Variants in NSL1 observed in about 807,000 individuals in gnomAD.
NSL1 encodes the protein kinetochore-associated protein NSL1 homolog.
A neutral mutation model predicts 25.4 loss-of-function variants in NSL1; 11 were observed. The ratio of observed to expected loss-of-function variants is 0.43; its 90% confidence interval spans 0.27 to 0.72. NSL1 has a LOEUF of 0.72. Ranked by LOEUF, NSL1 falls within the 30% of genes least tolerant of loss-of-function variation. The pLI is 0.19. For missense variants in NSL1, 330 were observed against 342.7 expected (o/e 0.96, Z 0.29); for synonymous variants, 118 against 120.6 (o/e 0.98, Z 0.14).
rs771353486 is a variant in NSL1 at position 212,787,581 on chromosome 1, T to C, written c.291A>G (p.Glu97=). Residue 97 remains glutamate, a synonymous_variant, in exon 2 of 6, where the codon GAA becomes GAG. Transcript: ENST00000366977. The part of the protein sequence containing the change: ...NISINGQAWQ[E]ASDNCFMDSD... The stretch of plus-strand genomic sequence containing the variant: ...TACCCATAAAACAATTATCTGAAGC[T>C]TCCTGCCATGCTTGCCCATTAATGC... 6.2e-7 allele frequency: 1 copy of C among 1,606,188 alleles called. No homozygotes were observed. The highest frequency in any genetic ancestry group is 2.3e-5 in the East Asian group (1 of 44,414).
intron 1 of NSL1, among the ~76,000 whole-genome samples, chr1:212,790,582 A>G (rs1411715257): frequency 6.6e-6 from 1 of 152,110 alleles, no homozygotes; most frequent in Non-Finnish European, 1.5e-5. Context: ...AGCTCATAAT[A>G]CCGCACATTT....
Position 212,731,783 on chromosome 1 carries a change from G to C in NSL1, c.*6625C>G. 1.0e-6 allele frequency: 1 copy of C among 985,422 alleles called. No individual in the cohort carries two copies. Among genetic ancestry groups the C allele is most frequent in the South Asian group, 4.7e-5 (1 of 21,290 alleles). The allele number at this position is 985,422 out of a possible 1,614,324, so 61.0% of individuals were successfully genotyped here. The stretch of plus-strand genomic sequence containing the variant: ...ACTGCCATGTCAAAGCTGGTGTTCA[G>C]ACAGTCACACTGTTACAAACATATG... On this transcript the variant is annotated 3_prime_UTR_variant, in exon 6 of 6. Transcript: ENST00000366977.
chr1:212,779,529 A>C (rs371171734), intron 4 of NSL1, among the ~76,000 whole-genome samples: 1 of 71,812 alleles, frequency 1.4e-5, no homozygotes, highest in East Asian at 5.3e-4. Flanking sequence ...CCCCCCGCCC[A>C]GCCAGCCGCC....
At position 212,729,130 on chromosome 1, in the gene NSL1, C is replaced by G. The variant is rs1387689640; in HGVS notation, c.*9278G>C. ...TTACAGGAATATATTAGTGTTCCAT[C>G]GTAGTTTCTAAAACCAGACAAAATC... On this transcript the variant is annotated 3_prime_UTR_variant, in exon 6 of 6. Coordinates refer to ENST00000366977, the MANE Select transcript of NSL1 (RefSeq NM_015471.4). The G allele has an allele frequency of 2.0e-6, 2 of 985,274 alleles. No individual in the cohort carries two copies. The highest frequency in any genetic ancestry group is 6.1e-5 in the Admixed American group (1 of 16,272). The allele number at this position is 985,274 out of a possible 1,614,324, so 61.0% of individuals were successfully genotyped here. A position where few individuals can be genotyped will look rare whatever the true frequency, so the allele number is the denominator to read the frequency against.
intron 4 of NSL1, among the ~76,000 whole-genome samples, chr1:212,778,595 T>G (rs1660497262): frequency 6.6e-6 from 1 of 152,144 alleles, no homozygotes; most frequent in African/African-American, 2.4e-5. Context: ...GAGACGGGGT[T>G]TCACTGTGTT....
intron 4 of NSL1, among the ~76,000 whole-genome samples, chr1:212,763,042 G>A (rs1659645708): frequency 6.6e-6 from 1 of 152,202 alleles, no homozygotes. Flanking sequence ...TATGGAGAAA[G>A]GCATGGTTAT....
intron 4 of NSL1, among the ~76,000 whole-genome samples, chr1:212,770,631 C>T (rs1015025487): frequency 2.0e-5 from 3 of 152,174 alleles, no homozygotes; most frequent in Non-Finnish European, 4.4e-5. Flanking sequence ...GAAGAATTAA[C>T]ATCAATTCTT....
In NSL1 at chr1:212,732,734, G is replaced by GT; in HGVS notation, c.*5673_*5674insA. 2 of 826,530 alleles carry GT rather than the reference G, an allele frequency of 2.4e-6. No homozygotes were observed. The highest frequency in any genetic ancestry group is 2.9e-6 in the Non-Finnish European group (2 of 684,722). 51.2% of individuals were successfully genotyped at this position (826,530 alleles called of 1,614,324 possible). On this transcript the variant is annotated 3_prime_UTR_variant, in exon 6 of 6. Coordinates refer to ENST00000366977, the MANE Select transcript of NSL1 (RefSeq NM_015471.4). The stretch of plus-strand genomic sequence containing the variant: ...TGCTGCTTTTTTGGTTTACCCTTTG[G>GT]AATAGAGCACAGCCCCTGGTAGAAC...
Position 212,758,443 on chromosome 1 carries a change from A to C in NSL1, c.500-18842T>G, listed in dbSNP as rs1659412770. ...CATTAAACAACTATTAGAACTAATA[A>C]ATGAGTTTAACATGGTTGTAAGATA... On this transcript the variant is annotated intron_variant, in intron 4 of 5. Coordinates refer to ENST00000366977, the MANE Select transcript of NSL1 (RefSeq NM_015471.4). 3.9e-5 allele frequency among the ~76,000 whole-genome samples: 6 copies of C among 152,254 alleles called. No individual in the cohort carries two copies. The South Asian group carries it at 1.2e-3, about 31-fold the overall frequency.
chr1:212,736,289 G>C lies in NSL1; in HGVS notation c.*2119C>G. Reference sequence around the variant, plus strand: ...TCTGTCCACTTCAGCCTCCCAAAGTGCTGGGATTACAGGCATGAGCCCACC... The same window carrying C: ...TCTGTCCACTTCAGCCTCCCAAAGTCCTGGGATTACAGGCATGAGCCCACC... On this transcript the variant is annotated 3_prime_UTR_variant, in exon 6 of 6. Transcript: ENST00000366977. 1.1e-6 allele frequency: 1 copy of C among 926,654 alleles called. No homozygotes were observed. The highest frequency in any genetic ancestry group is 1.3e-6 in the Non-Finnish European group (1 of 776,518). 57.4% of individuals were successfully genotyped at this position (926,654 alleles called of 1,614,324 possible). A position where few individuals can be genotyped will look rare whatever the true frequency, so the allele number is the denominator to read the frequency against.
intron 4 of NSL1, among the ~76,000 whole-genome samples, chr1:212,744,801 A>G (rs1027152387): frequency 1.3e-5 from 2 of 152,156 alleles, no homozygotes; most frequent in Non-Finnish European, 2.9e-5. Context: ...AGGTAGGCCA[A>G]ATGAAGTCTA....
At chr1:212,744,706 A>AT in intron 4 of NSL1, among the ~76,000 whole-genome samples, 1 of 152,350 alleles carries the variant, frequency 6.6e-6, no homozygotes, top group East Asian at 1.9e-4. Flanking sequence ...GCTAAAAAGT[A>AT]TAATAACTGA....
chr1:212,752,965 C>T (rs748210607), intron 4 of NSL1, among the ~76,000 whole-genome samples: 11 of 151,378 alleles, frequency 7.3e-5, no homozygotes, highest in African/African-American at 9.7e-5. Flanking sequence ...CAAGCAATCA[C>T]GCACAGCATC....
At chr1:212,761,030 C>A (rs6670869) in intron 4 of NSL1, among the ~76,000 whole-genome samples, 3 of 151,990 alleles carry the variant, frequency 2.0e-5, no homozygotes, top group African/African-American at 7.3e-5. Context: ...TATACTATTG[C>A]ACACACCCGG....
chr1:212,780,502 A>G (rs1262479309), intron 4 of NSL1, among the ~76,000 whole-genome samples: 1 of 127,972 alleles, frequency 7.8e-6, no homozygotes, highest in Non-Finnish European at 1.7e-5. Flanking sequence ...ATGATCAATA[A>G]AAAAAAAAAA....
chr1:212,757,926 T>G (rs1286568174), intron 4 of NSL1, among the ~76,000 whole-genome samples: 1 of 152,224 alleles, frequency 6.6e-6, no homozygotes, highest in African/African-American at 2.4e-5. Context: ...ATTTGAAATA[T>G]GTTTCCAAGG....
intron 4 of NSL1, among the ~76,000 whole-genome samples, chr1:212,778,812 G>T (rs1280735199): frequency 6.6e-6 from 1 of 152,058 alleles, no homozygotes; most frequent in Non-Finnish European, 1.5e-5. Flanking sequence ...GCCTCTGCCC[G>T]GCCGCCACCC....
intron 1 of NSL1, among the ~76,000 whole-genome samples, chr1:212,789,366 C>T (rs577437273): frequency 6.6e-6 from 1 of 152,186 alleles, no homozygotes; most frequent in Non-Finnish European, 1.5e-5. Flanking sequence ...CAAGCGCCAT[C>T]ACACCCGGCT....
intron 4 of NSL1, among the ~76,000 whole-genome samples, chr1:212,777,596 T>C (rs1660433647): frequency 2.0e-5 from 3 of 152,188 alleles, no homozygotes; most frequent in African/African-American, 7.2e-5. Context: ...ATCCCATACA[T>C]TGTTTATGGA....
Sources: allele counts gnomAD v4.1 joint callset (sites outside exome capture counted in the v4.1 genomes callset), GRCh38; gene constraint gnomAD v4.1.1; transcripts MANE v1.5; gene names NCBI Gene and HGNC (gene_info 2026-07-23, HGNC 2026-07-21).